Variants in BRD4 observed in about 807,000 individuals in gnomAD.
BRD4 encodes bromodomain containing 4.
Under a neutral mutation model 142.1 loss-of-function variants are expected in BRD4, and 16 were observed. The observed-to-expected ratio is 0.11, with a 90% CI of 0.08 to 0.17. The LOEUF (loss-of-function observed/expected upper bound fraction) is 0.17, where lower values mean the gene tolerates loss of function less well. BRD4 is among the 10% of genes least tolerant of loss of function. The pLI is 1.00. For synonymous variants in BRD4, 833 were observed against 707.5 expected (o/e 1.18, Z -2.82); for missense variants, 1,424 against 1,810.9 (o/e 0.79, Z 3.88).
At position 15,244,540 on chromosome 19, in the gene BRD4, G is replaced by T; in HGVS notation, c.2272C>A (p.Pro758Thr). 6.3e-7 allele frequency: 1 copy of T among 1,588,062 alleles called. No individual in the cohort carries two copies. Residue 758 changes from proline (P) to threonine (T), a missense_variant, in exon 13 of 20, where the codon CCC becomes ACC. Coordinates refer to ENST00000679869, the MANE Select transcript of BRD4 (RefSeq NM_001379291.1). Reference protein sequence around the residue: ...QAPAPVPQQPPPPPQQPPPPP... With the variant: ...QAPAPVPQQPTPPPQQPPPPP... ...GGTGGGGGCTGCTGGGGAGGCGGGGGCGGCTGCTGGGGCACAGGAGCCGGG... is the reference window on the plus strand; with the variant it reads ...GGTGGGGGCTGCTGGGGAGGCGGGGTCGGCTGCTGGGGCACAGGAGCCGGG...
chr19:15,309,733 G>A (rs1476204496), intron 1 of BRD4, among the ~76,000 whole-genome samples: 1 of 152,176 alleles, frequency 6.6e-6, no homozygotes, highest in African/African-American at 2.4e-5. Flanking sequence ...GGGGGTAGGG[G>A]AGGGGAATCA....
intron 1 of BRD4, among the ~76,000 whole-genome samples, chr19:15,324,486 G>C (rs1402830821): frequency 6.6e-6 from 1 of 152,178 alleles, no homozygotes; most frequent in Non-Finnish European, 1.5e-5. Flanking sequence ...TCCCAGTCAG[G>C]ACCTCCACAC....
At chr19:15,281,755 C>T (rs145692323) in intron 1 of BRD4, among the ~76,000 whole-genome samples, 6 of 152,266 alleles carry the variant, frequency 3.9e-5, no homozygotes, top group Non-Finnish European at 5.9e-5. Flanking sequence ...TGGTGGCTTA[C>T]GTCTATAATC....
chr19:15,241,673 C>A (rs373925203), intron 14 of BRD4, among the ~76,000 whole-genome samples: 1 of 152,204 alleles, frequency 6.6e-6, no homozygotes, highest in Non-Finnish European at 1.5e-5. Context: ...TCACCCCCAA[C>A]AGGAGTCCAG....
Position 15,239,610 on chromosome 19 carries a change from C to T in BRD4, c.3445+49G>A, listed in dbSNP as rs755212384. On this transcript the variant is annotated intron_variant, in intron 16 of 19. Transcript: ENST00000679869. The surrounding 1 kb of genome is among the most constrained non-coding windows in gnomAD (Gnocchi z 7.4). ...CCCCACAGCAAGCTTATGTCCAACA[C>T]GGGCCTCGGGGGGCCTGAGCCCTGG... is the stretch of plus-strand genomic sequence containing the variant. 5.4e-5 allele frequency: 84 copies of T among 1,557,004 alleles called. No individual in the cohort carries two copies. The highest frequency in any genetic ancestry group is 6.1e-5 in the Non-Finnish European group (71 of 1,159,898).
At chr19:15,289,916 G>C (rs1365278605) in intron 1 of BRD4, among the ~76,000 whole-genome samples, 1 of 152,242 alleles carries the variant, frequency 6.6e-6, no homozygotes, top group Non-Finnish European at 1.5e-5. Flanking sequence ...AGGGCTCTCA[G>C]CAAGGGGCTC....
intron 2 of BRD4, among the ~76,000 whole-genome samples, chr19:15,269,538 T>A (rs984487344): frequency 1.3e-5 from 2 of 152,158 alleles, no homozygotes; most frequent in Non-Finnish European, 2.9e-5. Flanking sequence ...CCTGCCTCCT[T>A]GTCACCATGA....
At position 15,272,998 on chromosome 19, in the gene BRD4, T is replaced by A; in HGVS notation, c.102A>T (p.Gln34His). 1 of 1,614,110 alleles carries A rather than the reference T, an allele frequency of 6.2e-7. No individual in the cohort carries two copies. The highest frequency in any genetic ancestry group is 8.5e-7 in the Non-Finnish European group (1 of 1,180,018). The change falls in exon 2 of 20, where the codon CAA becomes CAT. Residue 34 changes from glutamine to histidine, a missense_variant. Gln to His is a conservative substitution (Grantham distance 24, BLOSUM62 0). Around this residue, in one of 16 missense-constraint regions of BRD4, gnomAD observed 70 missense variants for 69.8 expected, o/e 1.00. Transcript: ENST00000679869. ...SQMSTTQAQA[Q>H]PQPANAASTN... The stretch of plus-strand genomic sequence containing the variant: ...TGCTGGCTGCGTTGGCTGGCTGGGG[T>A]TGGGCCTGGGCCTGTGTTGTAGACA...
intron 1 of BRD4, among the ~76,000 whole-genome samples, chr19:15,278,359 C>G (rs183306245): frequency 6.6e-6 from 1 of 151,706 alleles, no homozygotes; most frequent in Admixed American, 6.6e-5. Flanking sequence ...TCTGGTGAAA[C>G]CCCATCTCTA....
chr19:15,279,783 AC>A (rs1439570759), intron 1 of BRD4, among the ~76,000 whole-genome samples: 1 of 152,200 alleles, frequency 6.6e-6, no homozygotes, highest in Admixed American at 6.5e-5. Flanking sequence ...ATGGGTTGGG[AC>A]CAGCTATACT....
Position 15,264,724 on chromosome 19 carries a change from T to TG in BRD4, c.891dup (p.Thr298HisfsTer4). ...GGCTCGTGAATGGGGTCAATGGTGG[T>TG]GGGGGTGGTGGTGTCTGCTTTCCTC... On this transcript the variant is annotated frameshift_variant, in exon 6 of 20. Transcript: ENST00000679869. LOFTEE classifies it high-confidence loss of function. 6.2e-7 allele frequency: 1 copy of TG among 1,611,518 alleles called. No homozygotes were observed.
Position 15,239,180 on chromosome 19 carries a change from T to C in BRD4, c.3661A>G (p.Ser1221Gly). The C allele has an allele frequency of 6.2e-7, 1 of 1,613,226 alleles. No homozygotes were observed. Among genetic ancestry groups the C allele is most frequent in the South Asian group, 1.1e-5 (1 of 91,068 alleles). Residue 1221 changes from serine (S) to glycine (G), a missense_variant, in exon 18 of 20, where the codon AGC becomes GGC. Ser to Gly is a moderately conservative substitution (Grantham distance 56). Around this residue, in one of 16 missense-constraint regions of BRD4, gnomAD observed 49 missense variants for 97.3 expected, o/e 0.50. Transcript: ENST00000679869. The surrounding 1 kb of genome is among the most constrained non-coding windows in gnomAD (Gnocchi z 7.4). ...CGGCGGAACTGCTCGAAGCTGTCGC[T>C]GGATGACTTGGCTGTGGAGGAGGGG... is the stretch of plus-strand genomic sequence containing the variant. ...TTPSSTAKSS[S>G]DSFEQFRRAA...
chr19:15,277,157 AGTTAGCT>A (rs1282132549), intron 1 of BRD4, among the ~76,000 whole-genome samples: 11 of 152,208 alleles, frequency 7.2e-5, no homozygotes, highest in African/African-American at 2.7e-4. Flanking sequence ...CCACGTTAAG[AGTTAGCT>A]GAAGGTCAAG....
chr19:15,331,764 G>C (rs1320894440), intron 1 of BRD4: 8 of 150,254 alleles, frequency 5.3e-5, no homozygotes, highest in Non-Finnish European at 1.2e-4. Flanking sequence ...TGAGCGCCGC[G>C]GCCGAGCCCG....
At chr19:15,311,065 T>C (rs1381770605) in intron 1 of BRD4, among the ~76,000 whole-genome samples, 3 of 151,488 alleles carry the variant, frequency 2.0e-5, no homozygotes, top group African/African-American at 7.3e-5. Context: ...CCGAGGCAGG[T>C]GGATCCCTTG....
At chr19:15,289,044 G>A (rs551632236) in intron 1 of BRD4, among the ~76,000 whole-genome samples, 1 of 152,136 alleles carries the variant, frequency 6.6e-6, no homozygotes, top group African/African-American at 2.4e-5. Flanking sequence ...ACAGAACCAC[G>A]TTAGAAATGC....
At chr19:15,283,777 C>T (rs1223460008) in intron 1 of BRD4, among the ~76,000 whole-genome samples, 2 of 152,194 alleles carry the variant, frequency 1.3e-5, no homozygotes, top group African/African-American at 2.4e-5. Context: ...AGTTTCTTCT[C>T]AAAGCAGCAG....
Position 15,242,939 on chromosome 19 carries a change from G to A in BRD4, c.3130C>T (p.His1044Tyr). ...TCCGACTTGTGGTGCCGGGGTGAAT[G>A]GTGGTGCTGGATGACTTGCTGAGGC... ...AKPQQVIQHHHSPRHHKSDPY... is the reference protein window; with the variant it reads ...AKPQQVIQHHYSPRHHKSDPY... The change falls in exon 14 of 20, where the codon CAT becomes TAT. Residue 1044 changes from histidine (H) to tyrosine (Y), a missense_variant. This residue lies in a region of BRD4 where 598 missense variants were observed against 647.8 expected (regional missense o/e 0.92). Coordinates refer to ENST00000679869, the MANE Select transcript of BRD4 (RefSeq NM_001379291.1). The A allele has an allele frequency of 1.2e-6, 2 of 1,607,656 alleles. No individual in the cohort carries two copies. Among genetic ancestry groups the A allele is most frequent in the Non-Finnish European group, 1.7e-6 (2 of 1,178,232 alleles).
At chr19:15,280,968 G>C (rs1483625256) in intron 1 of BRD4, among the ~76,000 whole-genome samples, 1 of 152,214 alleles carries the variant, frequency 6.6e-6, no homozygotes, top group Non-Finnish European at 1.5e-5. Context: ...AATATCAGAA[G>C]GTCTGTTCCC....
Sources: allele counts gnomAD v4.1 joint callset (sites outside exome capture counted in the v4.1 genomes callset), GRCh38; gene constraint gnomAD v4.1.1; regional missense constraint gnomAD v4.1.1; non-coding constraint Gnocchi (gnomAD v3.1); transcripts MANE v1.5; gene names NCBI Gene and HGNC (gene_info 2026-07-23, HGNC 2026-07-21).